The following NAV2 variants were observed in gnomAD, a reference collection of about 807,000 sequenced individuals.
NAV2 encodes neuron navigator 2.
A neutral mutation model predicts 223.2 loss-of-function variants in NAV2; 54 were observed. That is an observed-to-expected ratio of 0.24 (90% CI 0.19 to 0.30). The LOEUF (loss-of-function observed/expected upper bound fraction) is 0.30. Ranked by LOEUF, NAV2 falls within the 10% of genes least tolerant of loss-of-function variation. NAV2 has a pLI of 1.00. For missense variants in NAV2, 2,806 were observed against 3,147.5 expected (o/e 0.89, Z 2.60); for synonymous variants, 1,279 against 1,239.3 (o/e 1.03, Z -0.67).
chr11:19,734,459 A>G (rs979722842), intron 1 of NAV2, among the ~76,000 whole-genome samples: 3 of 152,150 alleles, frequency 2.0e-5, no homozygotes, highest in Admixed American at 6.5e-5. Context: ...AGGGTGTGCT[A>G]TCCTAAACAT....
exon 1 of NAV2, chr11:19,350,902 T>A: frequency 6.5e-7 from 1 of 1,532,462 alleles, no homozygotes; most frequent in Non-Finnish European, 8.9e-7. Context: ...TTTGTTCCTC[T>A]GTGGATTTGG....
At chr11:19,930,573 G>T (rs1277188841) in intron 6 of NAV2, among the ~76,000 whole-genome samples, 1 of 152,078 alleles carries the variant, frequency 6.6e-6, no homozygotes, top group African/African-American at 2.4e-5. Context: ...TTTATTATCT[G>T]TTCCTTCTTG....
At chr11:19,937,012 C>T (rs1451252431) in intron 7 of NAV2, among the ~76,000 whole-genome samples, 13 of 152,128 alleles carry the variant, frequency 8.5e-5, no homozygotes, top group African/African-American at 3.1e-4. Context: ...GTGGTGCACG[C>T]CTGTAGTCCC....
chr11:19,773,193 T>C (rs1590414655), intron 1 of NAV2, among the ~76,000 whole-genome samples: 2 of 152,272 alleles, frequency 1.3e-5, no homozygotes, highest in Non-Finnish European at 2.9e-5. Context: ...GCTGGGCAGG[T>C]GCTGAAAATT....
chr11:19,777,948 G>A (rs1169889565), intron 1 of NAV2: 1 of 455,860 alleles, frequency 2.2e-6, no homozygotes, highest in South Asian at 1.5e-5. Context: ...CTCTACTGCG[G>A]TTTGGCTTGT....
exon 1 of NAV2, chr11:19,351,001 A>G (rs757338934): frequency 6.4e-7 from 1 of 1,551,736 alleles, no homozygotes; most frequent in South Asian, 1.2e-5. Context: ...AAAGCCAGTT[A>G]TCCACGGACT....
intron 3 of NAV2, among the ~76,000 whole-genome samples, chr11:19,857,830 C>T (rs1438753790): frequency 1.3e-5 from 2 of 152,130 alleles, no homozygotes; most frequent in African/African-American, 2.4e-5. Context: ...GCATGCTATA[C>T]CTTAGATCTC....
intron 6 of NAV2, among the ~76,000 whole-genome samples, chr11:19,915,064 T>A (rs1012975539): frequency 5.9e-5 from 9 of 152,218 alleles, no homozygotes; most frequent in African/African-American, 2.2e-4. Context: ...CTTAAGAGCT[T>A]TGTCTTCCAC....
chr11:19,719,681 G>A (rs891219893), intron 1 of NAV2, among the ~76,000 whole-genome samples: 12 of 152,156 alleles, frequency 7.9e-5, no homozygotes, highest in African/African-American at 2.2e-4. Flanking sequence ...TCCCAAGTAC[G>A]CAGCTGAGTA....
chr11:19,989,867 G>T, intron 11 of NAV2, among the ~76,000 whole-genome samples: 1 of 152,026 alleles, frequency 6.6e-6, no homozygotes, highest in East Asian at 1.9e-4. Context: ...TCCTCCGGTC[G>T]CCTAACATAC....
chr11:19,446,025 C>T, intron 1 of NAV2, among the ~76,000 whole-genome samples: 1 of 152,156 alleles, frequency 6.6e-6, no homozygotes, highest in South Asian at 2.1e-4. Flanking sequence ...CTTTGTGGTG[C>T]AAAGCCCAAG....
chr11:19,832,609 C>T lies in NAV2; in HGVS notation c.385+8C>T, dbSNP rs759403408. On this transcript the variant is annotated splice_region_variant and intron_variant, in intron 2 of 37. Coordinates refer to ENST00000349880, the MANE Select transcript of NAV2 (RefSeq NM_145117.5). ...AGATTATCCAGGTTGTGGGTAAGAG[C>T]AGATTTTACCTTGGGGGTAATGAGT... The T allele has an allele frequency of 5.0e-6, 8 of 1,608,866 alleles. No homozygotes were observed. The African/African-American group carries it at 8.0e-5, about 16-fold the overall frequency.
chr11:19,715,945 C>A (rs1253815604), intron 1 of NAV2, among the ~76,000 whole-genome samples: 3 of 152,188 alleles, frequency 2.0e-5, no homozygotes, highest in Non-Finnish European at 2.9e-5. Flanking sequence ...GGGGGCTCTT[C>A]CCTGTGGCAG....
intron 1 of NAV2, among the ~76,000 whole-genome samples, chr11:19,643,252 T>C (rs1202217735): frequency 1.3e-5 from 2 of 152,180 alleles, no homozygotes; most frequent in Non-Finnish European, 2.9e-5. Flanking sequence ...GCCATGTTGG[T>C]GTGCTGCACC....
intron 1 of NAV2, among the ~76,000 whole-genome samples, chr11:19,647,565 T>C (rs1480337887): frequency 1.3e-5 from 2 of 152,102 alleles, no homozygotes; most frequent in Non-Finnish European, 2.9e-5. Flanking sequence ...CTCCAGGACA[T>C]GTCAAGCTTC....
Position 19,984,171 on chromosome 11 carries a change from C to A in NAV2, c.2692C>A (p.Arg898=), listed in dbSNP as rs201439491. The A allele has an allele frequency of 6.2e-7, 1 of 1,614,146 alleles. No individual in the cohort carries two copies. Among genetic ancestry groups the A allele is most frequent in the Non-Finnish European group, 8.5e-7 (1 of 1,180,014 alleles). Residue 898 remains arginine (R), a synonymous_variant, in exon 11 of 38, where the codon CGG becomes AGG. Transcript: ENST00000349880. ...GLGLYTRRLN[R]LPDGMAVVRE... The stretch of plus-strand genomic sequence containing the variant: ...TGGCCTCTATACCCGTCGCCTGAAC[C>A]GGCTCCCTGATGGGATGGCTGTGGT...
intron 1 of NAV2, chr11:19,777,319 G>A (rs1254676851): frequency 4.6e-6 from 1 of 215,634 alleles, no homozygotes; most frequent in South Asian, 6.3e-5. Flanking sequence ...GACCGCGGGC[G>A]CCGGGGATGC....
chr11:20,091,576 C>A (rs764016574), intron 27 of NAV2, among the ~76,000 whole-genome samples: 1 of 152,146 alleles, frequency 6.6e-6, no homozygotes, highest in African/African-American at 2.4e-5. Flanking sequence ...CACCTTCTGC[C>A]ATGGAGTGAA....
chr11:19,817,493 A>T, intron 1 of NAV2, among the ~76,000 whole-genome samples: 1 of 152,120 alleles, frequency 6.6e-6, no homozygotes, highest in East Asian at 1.9e-4. Flanking sequence ...GAATGGGGGA[A>T]CACCTGGAGC....
Sources: allele counts gnomAD v4.1 joint callset (sites outside exome capture counted in the v4.1 genomes callset), GRCh38; gene constraint gnomAD v4.1.1; transcripts MANE v1.5; gene names NCBI Gene and HGNC (gene_info 2026-07-23, HGNC 2026-07-21).